Variants in CHRM2 observed in about 807,000 individuals in gnomAD.
CHRM2 encodes muscarinic acetylcholine receptor M2.
CHRM2 carries 8 observed loss-of-function variants against 25.0 expected under a neutral mutation model. The ratio of observed to expected loss-of-function variants is 0.32; its 90% CI spans 0.19 to 0.58. CHRM2 has a LOEUF of 0.58. Among genes scored for constraint, CHRM2 ranks in the 20% least tolerant of loss-of-function variants. The pLI is 0.88. For synonymous variants in CHRM2, 202 were observed against 205.7 expected, an observed-to-expected ratio of 0.98 and a Z score of 0.15; for missense variants, 440 against 567.1, an observed-to-expected ratio of 0.78 and a Z score of 2.28.
At chr7:136,945,189 C>T (rs1204079555) in intron 2 of CHRM2, among the ~76,000 whole-genome samples, 1 of 152,012 alleles carries the variant, frequency 6.6e-6, no homozygotes, top group Non-Finnish European at 1.5e-5. Flanking sequence ...TGTCTGTTTA[C>T]TCAGCTGATT....
Position 136,962,335 on chromosome 7 carries a change from G to A in CHRM2, c.-124-29852G>A, listed in dbSNP as rs186944956. Among the ~76,000 whole-genome samples, 342 of 152,158 alleles carry A rather than the reference G, an allele frequency of 2.2e-3. 2 individuals carry two copies. The Middle Eastern group carries it at 0.037, about 17-fold the overall frequency. ...TTTTTAGTAGAGACAGGGTTTCGCC[G>A]TGTTGGCCAGGCTAGTCTCGAACTC... is the stretch of plus-strand genomic sequence containing the variant. On this transcript the variant is annotated intron_variant, in intron 2 of 3. Transcript: ENST00000680005.
chr7:137,017,672 T>C lies in CHRM2; in HGVS notation c.*1406T>C, dbSNP rs1790248140. 1 of 151,994 alleles carries C rather than the reference T, an allele frequency of 6.6e-6. No homozygotes were observed. The highest frequency in any genetic ancestry group is 6.6e-5 in the Admixed American group (1 of 15,230). 9.4% of individuals were successfully genotyped at this position (151,994 alleles called of 1,614,324 possible). ...CAAAATTCTCTTATCAATAGAATTA[T>C]AGTAATCTTTGTGACAGAAATGTAG... On this transcript the variant is annotated 3_prime_UTR_variant, in exon 4 of 4. Coordinates refer to ENST00000680005, the MANE Select transcript of CHRM2 (RefSeq NM_001006630.2).
rs182597423 is a variant in CHRM2 at position 136,920,589 on chromosome 7, C to T, written c.-125+51171C>T. On this transcript the variant is annotated intron_variant, in intron 2 of 3. Coordinates refer to ENST00000680005, the MANE Select transcript of CHRM2 (RefSeq NM_001006630.2). ...GTCTGTTGCCCTACTGCCTTTTGCC[C>T]TTACAGGCTGGGCCACACTTCTTTT... is the stretch of plus-strand genomic sequence containing the variant. 1.1e-4 allele frequency among the ~76,000 whole-genome samples: 16 copies of T among 152,246 alleles called. No homozygotes were observed. In the East Asian group the frequency reaches 3.1e-3, roughly 30 times the overall value.
rs76753341 is a variant in CHRM2, at chr7:136,901,223, G to A, written c.-125+31805G>A. 5.8e-3 allele frequency among the ~76,000 whole-genome samples: 889 copies of A among 152,044 alleles called. 11 individuals are homozygous for A. Among genetic ancestry groups the A allele is most frequent in the African/African-American group, 0.019 (794 of 41,520 alleles). ...CAAGATCCAGGCATGTGAGAATTAC[G>A]TGAAATTAAATATGTGGACTTGCGG... On this transcript the variant is annotated intron_variant, in intron 2 of 3. Coordinates refer to ENST00000680005, the MANE Select transcript of CHRM2 (RefSeq NM_001006630.2).
chr7:137,002,439 C>T (rs1804113363), intron 3 of CHRM2, among the ~76,000 whole-genome samples: 2 of 152,110 alleles, frequency 1.3e-5, no homozygotes, highest in Non-Finnish European at 1.5e-5. Flanking sequence ...TCAGAAAGAT[C>T]ATCTTTTTCT....
chr7:136,930,674 G>T (rs1215362626), intron 2 of CHRM2, among the ~76,000 whole-genome samples: 1 of 151,872 alleles, frequency 6.6e-6, no homozygotes, highest in African/African-American at 2.4e-5. Flanking sequence ...AAGGAGGGTG[G>T]ATCACGAGGT....
At chr7:136,945,831 G>T (rs1237325833) in intron 2 of CHRM2, among the ~76,000 whole-genome samples, 1 of 152,056 alleles carries the variant, frequency 6.6e-6, no homozygotes, top group Admixed American at 6.6e-5. Context: ...CATTTACTGG[G>T]CACTGACTGT....
intron 2 of CHRM2, among the ~76,000 whole-genome samples, chr7:136,872,311 C>T (rs1795872764): frequency 6.6e-6 from 1 of 152,202 alleles, no homozygotes; most frequent in African/African-American, 2.4e-5. Flanking sequence ...GTTTTCAGCT[C>T]TCAACTAACT....
chr7:136,928,193 G>GA (rs1798854854), intron 2 of CHRM2, among the ~76,000 whole-genome samples: 1 of 152,102 alleles, frequency 6.6e-6, no homozygotes. Context: ...CAAGAAGAAA[G>GA]AAAAAAGTTG....
intron 2 of CHRM2, 63 bp from the exon 3 acceptor site, chr7:136,992,124 T>C (rs1307186978): frequency 1.3e-5 from 2 of 152,138 alleles, no homozygotes; most frequent in Non-Finnish European, 2.9e-5. Flanking sequence ...ATACTCCATT[T>C]TTCTGTTTGT....
At chr7:136,957,154 C>A (rs946328023) in intron 2 of CHRM2, among the ~76,000 whole-genome samples, 1 of 152,162 alleles carries the variant, frequency 6.6e-6, no homozygotes, top group African/African-American at 2.4e-5. Flanking sequence ...AACTAACCTG[C>A]GGCAGGAGGC....
rs967240614 is a variant in CHRM2, at chr7:137,007,997, A to T, written c.-46-6823A>T. Among the ~76,000 whole-genome samples the T allele has an allele frequency of 6.6e-5, 10 of 152,276 alleles. 1 individual carries two copies. Among genetic ancestry groups the T allele is most frequent in the African/African-American group, 2.4e-4 (10 of 41,592 alleles). ...CATTCACTAATGCAGTTTATAAATT[A>T]GTGGGATTAACTGAATATTAAAAGA... On this transcript the variant is annotated intron_variant, in intron 3 of 3. Coordinates refer to ENST00000680005, the MANE Select transcript of CHRM2 (RefSeq NM_001006630.2).
chr7:136,970,834 C>T (rs1055471300), intron 2 of CHRM2, among the ~76,000 whole-genome samples: 1 of 152,300 alleles, frequency 6.6e-6, no homozygotes, highest in East Asian at 1.9e-4. Flanking sequence ...ACCTGGCTCA[C>T]TAGTGACTCA....
chr7:137,009,552 A>G (rs992132962), intron 3 of CHRM2, among the ~76,000 whole-genome samples: 16 of 152,122 alleles, frequency 1.1e-4, no homozygotes, highest in African/African-American at 3.9e-4. Context: ...TCCCAACTCA[A>G]TGTTGGGGTG....
intron 2 of CHRM2, among the ~76,000 whole-genome samples, chr7:136,978,283 G>A (rs1183065839): frequency 1.3e-5 from 2 of 151,984 alleles, no homozygotes; most frequent in African/African-American, 4.8e-5. Context: ...TTCCATTCAC[G>A]TGCCTAATCA....
intron 2 of CHRM2, among the ~76,000 whole-genome samples, chr7:136,919,807 C>A (rs190676211): frequency 6.6e-6 from 1 of 152,140 alleles, no homozygotes; most frequent in Non-Finnish European, 1.5e-5. Flanking sequence ...CTTCTTCTGA[C>A]TTGTTACCCA....
At chr7:136,965,560 A>G (rs1420530208) in intron 2 of CHRM2, among the ~76,000 whole-genome samples, 1 of 152,106 alleles carries the variant, frequency 6.6e-6, no homozygotes. Flanking sequence ...ATACTCTAAA[A>G]GAGAAAATAA....
chr7:136,912,106 G>A (rs1797874297), intron 2 of CHRM2, among the ~76,000 whole-genome samples: 1 of 151,628 alleles, frequency 6.6e-6, no homozygotes, highest in South Asian at 2.1e-4. Flanking sequence ...TCTTCATATG[G>A]TTGTCTTTTT....
intron 2 of CHRM2, among the ~76,000 whole-genome samples, chr7:136,962,107 A>G (rs958576440): frequency 6.6e-6 from 1 of 151,450 alleles, no homozygotes; most frequent in Admixed American, 6.6e-5. Context: ...CTCTGCAGTA[A>G]TGACTGTCAA....
Sources: allele counts gnomAD v4.1 joint callset (sites outside exome capture counted in the v4.1 genomes callset), GRCh38; gene constraint gnomAD v4.1.1; transcripts MANE v1.5; gene names NCBI Gene and HGNC (gene_info 2026-07-23, HGNC 2026-07-21).